Variants in B3GLCT observed in about 807,000 individuals in gnomAD.
B3GLCT encodes beta-1,3-glucosyltransferase.
Under a neutral mutation model 63.4 loss-of-function variants are expected in B3GLCT, and 65 were observed. That is an observed-to-expected ratio of 1.03 (90% CI 0.84 to 1.26). The LOEUF (loss-of-function observed/expected upper bound fraction) is 1.26. Ranked by LOEUF, B3GLCT falls within the 50% of genes most tolerant of loss-of-function variation. The probability of loss-of-function intolerance (pLI) is 0.00; values close to 1 mark genes in which losing one functional copy is unlikely to be tolerated. For missense variants in B3GLCT, 577 were observed against 604.8 expected (o/e 0.95, Z 0.48); for synonymous variants, 233 against 219.2 (o/e 1.06, Z -0.55).
chr13:31,286,937 A>G, intron 12 of B3GLCT, 118 bp downstream of exon 12: 1 of 645,392 alleles, frequency 1.5e-6, no homozygotes, highest in Non-Finnish European at 2.7e-6. Flanking sequence ...TTACCCTTCT[A>G]TCTGAACCAA....
In B3GLCT at chr13:31,222,988, A is replaced by G. The variant is rs1869896944; in HGVS notation, c.157A>G (p.Ile53Val). The G allele has an allele frequency of 1.3e-6, 2 of 1,501,058 alleles. No individual in the cohort carries two copies. Among genetic ancestry groups the G allele is most frequent in the Non-Finnish European group, 1.9e-6 (2 of 1,078,046 alleles). 93.0% of individuals were successfully genotyped at this position (1,501,058 alleles called of 1,614,324 possible). A position where few individuals can be genotyped will look rare whatever the true frequency, so the allele number is the denominator to read the frequency against. The change falls in exon 3 of 15, where the codon ATA becomes GTA. Residue 53 changes from isoleucine to valine, a missense_variant. Ile to Val is a conservative substitution (Grantham distance 29). Transcript: ENST00000343307. ...AAGTGGTATATCAAGGAAAAATGAC[A>G]TAGGTAAGTAATGATTTTTTTTACC... ...EKSGISRKND[I>V]DLKGIVFVIQ...
At chr13:31,226,145 T>C (rs976389764) in intron 3 of B3GLCT, among the ~76,000 whole-genome samples, 1 of 152,176 alleles carries the variant, frequency 6.6e-6, no homozygotes, top group African/African-American at 2.4e-5. Flanking sequence ...CTCCTTGCAC[T>C]CGCCCCCGAT....
intron 9 of B3GLCT, among the ~76,000 whole-genome samples, chr13:31,275,481 G>A (rs762296327): frequency 9.2e-5 from 14 of 152,168 alleles, no homozygotes; most frequent in Non-Finnish European, 1.6e-4. Context: ...TTCCTGGAAA[G>A]GCAATTTCCA....
intron 4 of B3GLCT, among the ~76,000 whole-genome samples, chr13:31,235,614 A>C (rs1008102896): frequency 1.3e-5 from 2 of 152,138 alleles, no homozygotes; most frequent in Non-Finnish European, 2.9e-5. Flanking sequence ...TGGCCTGCGC[A>C]CTGACCTCAG....
intron 10 of B3GLCT, among the ~76,000 whole-genome samples, chr13:31,279,611 G>A (rs575687623): frequency 6.6e-6 from 1 of 152,262 alleles, no homozygotes; most frequent in African/African-American, 2.4e-5. Flanking sequence ...GCAAATGGAG[G>A]CAGGGCGAGA....
intron 12 of B3GLCT, among the ~76,000 whole-genome samples, chr13:31,298,614 A>G (rs1051756442): frequency 6.6e-6 from 1 of 152,100 alleles, no homozygotes; most frequent in African/African-American, 2.4e-5. Context: ...ACCCTCAACT[A>G]CTATTTCTCT....
intron 12 of B3GLCT, among the ~76,000 whole-genome samples, chr13:31,295,709 G>C (rs888157030): frequency 3.3e-5 from 5 of 152,212 alleles, no homozygotes; most frequent in African/African-American, 1.2e-4. Context: ...CTGCTGTGCT[G>C]GCAGCGAGGA....
chr13:31,321,877 G>A (rs777564864), intron 13 of B3GLCT, among the ~76,000 whole-genome samples: 3 of 152,092 alleles, frequency 2.0e-5, no homozygotes, highest in Non-Finnish European at 4.4e-5. Flanking sequence ...TGAGGGGCAG[G>A]AGGTGTTTGG....
chr13:31,253,282 C>CT (rs1871529428), intron 6 of B3GLCT, among the ~76,000 whole-genome samples: 1 of 152,088 alleles, frequency 6.6e-6, no homozygotes, highest in East Asian at 1.9e-4. Flanking sequence ...AATCGACACT[C>CT]TAACATCACA....
chr13:31,228,086 C>T (rs955006074), intron 3 of B3GLCT, among the ~76,000 whole-genome samples: 14 of 152,160 alleles, frequency 9.2e-5, no homozygotes, highest in East Asian at 1.9e-4. Flanking sequence ...CCTTCCTGTT[C>T]GCCGTTGTAA....
At chr13:31,237,953 G>A (rs1173996559) in intron 4 of B3GLCT, among the ~76,000 whole-genome samples, 1 of 152,160 alleles carries the variant, frequency 6.6e-6, no homozygotes, top group African/African-American at 2.4e-5. Flanking sequence ...ATTCGTAAAA[G>A]TTGCTTGGTG....
intron 8 of B3GLCT, among the ~76,000 whole-genome samples, chr13:31,270,965 CT>C (rs1566073672): frequency 6.6e-6 from 1 of 152,134 alleles, no homozygotes; most frequent in African/African-American, 2.4e-5. Flanking sequence ...AGGTTTCCAC[CT>C]CATAAAATGA....
chr13:31,319,657 C>T (rs971558254), intron 13 of B3GLCT, among the ~76,000 whole-genome samples: 3 of 152,178 alleles, frequency 2.0e-5, no homozygotes. Flanking sequence ...TCCTCCTTCT[C>T]ACCCTGTATT....
In B3GLCT at chr13:31,249,071, G is replaced by A. The variant is rs898059881; in HGVS notation, c.459+1105G>A. Among the ~76,000 whole-genome samples, 4 of 152,190 alleles carry A rather than the reference G, an allele frequency of 2.6e-5. No individual in the cohort carries two copies. In the East Asian group the frequency reaches 5.8e-4, roughly 22 times the overall value. ...CTGTCCCACCCACCTTCGAATGCTC[G>A]CTCCTGAGATGAATCAGATGTAATG... On this transcript the variant is annotated intron_variant, in intron 6 of 14. Transcript: ENST00000343307.
intron 2 of B3GLCT, among the ~76,000 whole-genome samples, chr13:31,218,334 C>T (rs1419659037): frequency 4.6e-5 from 7 of 151,824 alleles, no homozygotes; most frequent in South Asian, 4.2e-4. Flanking sequence ...GGATTATAGG[C>T]GCCTGCCACC....
intron 3 of B3GLCT, among the ~76,000 whole-genome samples, chr13:31,224,589 C>A (rs967162750): frequency 2.0e-5 from 3 of 152,060 alleles, no homozygotes; most frequent in Admixed American, 1.3e-4. Context: ...GAGCATGGCT[C>A]ACAGTCAGAG....
Position 31,199,995 on chromosome 13 carries a change from G to A in B3GLCT, c.-90G>A, listed in dbSNP as rs113017441. 4 of 751,120 alleles carry A rather than the reference G, an allele frequency of 5.3e-6. No homozygotes were observed. Among genetic ancestry groups the A allele is most frequent in the South Asian group, 6.2e-5 (1 of 16,056 alleles). The allele number at this position is 751,120 out of a possible 1,614,324, so 46.5% of individuals were successfully genotyped here. ...CCGGCAGAGAAGGGTCAGCCGCGGCGGCAGGGCGGCGGCGGCAGCGGCGCA... is the reference window on the plus strand; with the variant it reads ...CCGGCAGAGAAGGGTCAGCCGCGGCAGCAGGGCGGCGGCGGCAGCGGCGCA... On this transcript the variant is annotated 5_prime_UTR_variant, in exon 1 of 15. Transcript: ENST00000343307.
At chr13:31,312,087 A>G (rs1874739619) in intron 12 of B3GLCT, among the ~76,000 whole-genome samples, 1 of 152,192 alleles carries the variant, frequency 6.6e-6, no homozygotes, top group South Asian at 2.1e-4. Context: ...TCAGTGGCAA[A>G]TGCCGGGTGC....
chr13:31,318,360 T>C (rs1425026956), intron 13 of B3GLCT, among the ~76,000 whole-genome samples: 1 of 152,188 alleles, frequency 6.6e-6, no homozygotes, highest in African/African-American at 2.4e-5. Context: ...TAGTTTATAA[T>C]CTAATGGATT....
Sources: gnomAD v4.1 joint callset for allele counts (sites outside exome capture counted in the v4.1 genomes callset) on GRCh38, gnomAD v4.1.1 for gene constraint, MANE v1.5 for transcripts, NCBI Gene and HGNC (gene_info 2026-07-23, HGNC 2026-07-21) for gene names.